PARD3B: variants seen among roughly 807,000 people sequenced by gnomAD.
PARD3B encodes partitioning defective 3 homolog B.
Under a neutral mutation model 130.2 loss-of-function variants are expected in PARD3B, and 103 were observed. The observed-to-expected ratio is 0.79, with a 90% CI of 0.67 to 0.93. PARD3B has a LOEUF of 0.93. Among genes scored for constraint, PARD3B ranks in the 40% least tolerant of loss-of-function variants. The pLI is 0.00. For synonymous variants in PARD3B, 583 were observed against 553.2 expected, an observed-to-expected ratio of 1.05 and a Z score of -0.76; for missense variants, 1,609 against 1,499.2, an observed-to-expected ratio of 1.07 and a Z score of -1.21.
At chr2:205,297,283 A>T (rs1188017738) in intron 16 of PARD3B, among the ~76,000 whole-genome samples, 3 of 152,144 alleles carry the variant, frequency 2.0e-5, no homozygotes, top group Non-Finnish European at 4.4e-5. Context: ...GAAAAAAAAA[A>T]TGTGATTTTT....
chr2:205,232,177 C>T (rs748592836), intron 15 of PARD3B, among the ~76,000 whole-genome samples: 8 of 152,200 alleles, frequency 5.3e-5, no homozygotes, highest in Non-Finnish European at 8.8e-5. Flanking sequence ...GGGCTAAGCA[C>T]AGTGGCTCAT....
chr2:205,036,024 A>G (rs1000473711), intron 3 of PARD3B, among the ~76,000 whole-genome samples: 1 of 145,406 alleles, frequency 6.9e-6, no homozygotes, highest in Non-Finnish European at 1.5e-5. Flanking sequence ...GTGGCTCAGA[A>G]ACAATTCTGC....
chr2:205,290,162 A>G, intron 16 of PARD3B, among the ~76,000 whole-genome samples: 1 of 152,218 alleles, frequency 6.6e-6, no homozygotes, highest in South Asian at 2.1e-4. Flanking sequence ...AGATAAATCC[A>G]GGTGTATGTA....
rs1696628327 is a variant in PARD3B, at chr2:205,021,680, A to G, written c.395-25901A>G. 6.8e-6 allele frequency among the ~76,000 whole-genome samples: 1 copy of G among 147,722 alleles called. No homozygotes were observed. The highest frequency in any genetic ancestry group is 2.5e-5 in the African/African-American group (1 of 39,744). ...TATATATATATAGTTAATCTTTTCA[A>G]TGACCCTGTGTCTTTCTTTGGATAG... is the stretch of plus-strand genomic sequence containing the variant. On this transcript the variant is annotated intron_variant, in intron 3 of 22. Coordinates refer to ENST00000406610, the MANE Select transcript of PARD3B (RefSeq NM_001302769.2). This position sits in a 1 kb window ranked among gnomAD's most constrained non-coding sequence, Gnocchi z 4.5.
At chr2:205,573,547 T>C (rs766192780) in intron 22 of PARD3B, among the ~76,000 whole-genome samples, 7 of 152,130 alleles carry the variant, frequency 4.6e-5, no homozygotes, top group Non-Finnish European at 1.0e-4. Flanking sequence ...GAAACTGAGA[T>C]TTTAAGACTA....
intron 22 of PARD3B, among the ~76,000 whole-genome samples, chr2:205,596,146 T>G (rs1002491751): frequency 2.6e-5 from 4 of 152,174 alleles, no homozygotes; most frequent in Non-Finnish European, 5.9e-5. Context: ...GTAAAAGGTT[T>G]GTAATTACAT....
rs1700899516 is a variant in PARD3B at position 205,074,112 on chromosome 2, T to A, written c.504+26422T>A. ...TTAAATGTATCTTTTTCTAGTTGGA[T>A]CCATTCATTCCTAGAGCTTCTCATT... is the stretch of plus-strand genomic sequence containing the variant. On this transcript the variant is annotated intron_variant, in intron 4 of 22. Coordinates refer to ENST00000406610, the MANE Select transcript of PARD3B (RefSeq NM_001302769.2). 3.3e-5 allele frequency among the ~76,000 whole-genome samples: 5 copies of A among 152,316 alleles called. No homozygotes were observed. In the South Asian group the frequency reaches 1.0e-3, roughly 32 times the overall value.
chr2:204,872,857 A>G (rs2045682955), intron 2 of PARD3B, among the ~76,000 whole-genome samples: 1 of 152,142 alleles, frequency 6.6e-6, no homozygotes, highest in East Asian at 1.9e-4. Context: ...TTTTATTGTG[A>G]ATTGTATCCT....
At chr2:205,181,543 G>A (rs1293265292) in intron 13 of PARD3B, among the ~76,000 whole-genome samples, 4 of 152,352 alleles carry the variant, frequency 2.6e-5, no homozygotes, top group East Asian at 3.9e-4. Context: ...TCGTAGAGCA[G>A]AAGCACTCAT....
At position 204,801,487 on chromosome 2, in the gene PARD3B, G is replaced by A. The variant is rs191478707; in HGVS notation, c.222+115205G>A. Reference sequence around the variant, plus strand: ...TTCTCTTTTTAGCAATTGTGAATGGGAGTTCACTCATGATTTGGCTTTCTA... The same window carrying A: ...TTCTCTTTTTAGCAATTGTGAATGGAAGTTCACTCATGATTTGGCTTTCTA... On this transcript the variant is annotated intron_variant, in intron 2 of 22. Coordinates refer to ENST00000406610, the MANE Select transcript of PARD3B (RefSeq NM_001302769.2). 3.9e-4 allele frequency among the ~76,000 whole-genome samples: 60 copies of A among 152,258 alleles called. No individual in the cohort carries two copies. In the Middle Eastern group the frequency reaches 0.01, roughly 26 times the overall value.
At chr2:205,502,728 C>A (rs1394782623) in intron 21 of PARD3B, among the ~76,000 whole-genome samples, 1 of 152,108 alleles carries the variant, frequency 6.6e-6, no homozygotes, top group African/African-American at 2.4e-5. Flanking sequence ...TGAAAGTATG[C>A]TCACTGAAGT....
chr2:204,563,220 T>TCTCTCTCTCTCTCTCC (rs1361491434), intron 1 of PARD3B, among the ~76,000 whole-genome samples: 5 of 70,330 alleles, frequency 7.1e-5, no homozygotes, highest in African/African-American at 3.0e-4. Flanking sequence ...TCCCGCTGTC[T>TCTCTCTCTCTCTCTCC]CTCTCTCTCT....
intron 20 of PARD3B, among the ~76,000 whole-genome samples, chr2:205,494,764 A>G (rs1407666343): frequency 6.6e-6 from 1 of 152,314 alleles, no homozygotes; most frequent in Middle Eastern, 3.4e-3. Context: ...GCGAGGCAAC[A>G]TGATATAGTA....
chr2:204,619,531 T>A (rs2034225096), intron 1 of PARD3B, among the ~76,000 whole-genome samples: 1 of 152,160 alleles, frequency 6.6e-6, no homozygotes, highest in African/African-American at 2.4e-5. Context: ...AGGTTTTTTT[T>A]AAGGAACCAA....
At chr2:204,716,623 CTTT>C (rs35183526) in intron 2 of PARD3B, among the ~76,000 whole-genome samples, 32 of 98,076 alleles carry the variant, frequency 3.3e-4, no homozygotes, top group Non-Finnish European at 3.1e-4. Flanking sequence ...ACAGCAACTG[CTTT>C]TTTTTTTTTT....
chr2:204,971,573 A>G (rs768087891), intron 3 of PARD3B, among the ~76,000 whole-genome samples: 3 of 152,046 alleles, frequency 2.0e-5, no homozygotes, highest in African/African-American at 4.8e-5. Context: ...TAGCAGTTAT[A>G]GAATAGTTTT....
At position 205,124,422 on chromosome 2, in the gene PARD3B, G is replaced by T; in HGVS notation, c.1261G>T (p.Ala421Ser). 1 of 1,604,444 alleles carries T rather than the reference G, an allele frequency of 6.2e-7. No individual in the cohort carries two copies. The highest frequency in any genetic ancestry group is 8.5e-7 in the Non-Finnish European group (1 of 1,174,940). Residue 421 changes from alanine to serine, a missense_variant, in exon 9 of 23, where the codon GCA becomes TCA. Physicochemically the swap from Ala to Ser is moderately conservative, Grantham distance 99. Coordinates refer to ENST00000406610, the MANE Select transcript of PARD3B (RefSeq NM_001302769.2). ...AAAAAACATTTTACCAAAGGGAGCA[G>T]CAATAAAAGATGGCCGCCTACAATC... ...FVKNILPKGA[A>S]IKDGRLQSGD...
intron 21 of PARD3B, among the ~76,000 whole-genome samples, chr2:205,526,593 T>C (rs2051348038): frequency 6.6e-6 from 1 of 152,210 alleles, no homozygotes; most frequent in South Asian, 2.1e-4. Context: ...TGGCCACGTT[T>C]TCATTTTTGA....
chr2:204,593,262 A>G (rs2033150029), intron 1 of PARD3B, among the ~76,000 whole-genome samples: 7 of 152,230 alleles, frequency 4.6e-5, no homozygotes, highest in Admixed American at 4.6e-4. Flanking sequence ...CTAGGATCTA[A>G]GCATCCTCAA....
Sources: gnomAD v4.1 joint callset for allele counts (sites outside exome capture counted in the v4.1 genomes callset) on GRCh38, gnomAD v4.1.1 for gene constraint, Gnocchi (gnomAD v3.1) non-coding constraint, MANE v1.5 for transcripts, NCBI Gene and HGNC (gene_info 2026-07-23, HGNC 2026-07-21) for gene names.